The following OPCML variants were observed in gnomAD, a reference collection of about 807,000 sequenced individuals.
OPCML encodes opioid-binding protein/cell adhesion molecule.
In OPCML, 13 loss-of-function variants were observed where a neutral mutation model predicts 37.8. The ratio of observed to expected loss-of-function variants is 0.34; its 90% confidence interval spans 0.22 to 0.55. The LOEUF is 0.55. Among genes scored for constraint, OPCML ranks in the 20% least tolerant of loss-of-function variants. The pLI is 0.91. For missense variants in OPCML, 341 were observed against 435.6 expected, an observed-to-expected ratio of 0.78 and a Z score of 1.93; for synonymous variants, 176 against 168.8, an observed-to-expected ratio of 1.04 and a Z score of -0.33.
chr11:133,450,458 C>T (rs935637642), intron 1 of OPCML, among the ~76,000 whole-genome samples: 4 of 151,476 alleles, frequency 2.6e-5, no homozygotes, highest in African/African-American at 4.9e-5. Context: ...CTGTAATCAA[C>T]CTTTCTAATT....
rs151040013 is a variant in OPCML, at chr11:133,182,238, G to A, written c.62-239228C>T. Among the ~76,000 whole-genome samples, 885 of 152,266 alleles carry A rather than the reference G, an allele frequency of 5.8e-3. 5 individuals are homozygous for A. The highest frequency in any genetic ancestry group is 0.021 in the African/African-American group (852 of 41,550). On this transcript the variant is annotated intron_variant, in intron 1 of 7. Coordinates refer to ENST00000524381, the MANE Select transcript of OPCML (RefSeq NM_001012393.5). ...CAAGATGTTAACCTTCTGAGAGATG[G>A]CTAATCTCTTGTAGCTGAAATTCAT...
chr11:133,092,325 T>C (rs1180899597), intron 1 of OPCML, among the ~76,000 whole-genome samples: 1 of 152,140 alleles, frequency 6.6e-6, no homozygotes, highest in East Asian at 1.9e-4. Flanking sequence ...CCAAGGCAAC[T>C]GATGAAAAGA....
intron 2 of OPCML, among the ~76,000 whole-genome samples, chr11:132,725,096 T>G (rs933833693): frequency 2.0e-5 from 3 of 152,154 alleles, no homozygotes; most frequent in Non-Finnish European, 2.9e-5. Context: ...AGTGCCCCAG[T>G]AGGGACTCTG....
At position 132,729,641 on chromosome 11, in the gene OPCML, A is replaced by G. The variant is rs191106663; in HGVS notation, c.147-72322T>C. 3.3e-3 allele frequency among the ~76,000 whole-genome samples: 503 copies of G among 152,342 alleles called. 3 individuals are homozygous for G. The highest frequency in any genetic ancestry group is 6.8e-3 in the Admixed American group (104 of 15,300). On this transcript the variant is annotated intron_variant, in intron 2 of 7. Transcript: ENST00000524381. ...TTGCAGCAATTGCATCTACTCAGTC[A>G]AAAGGGTTCCAGAATGAGAAAAGGC... is the stretch of plus-strand genomic sequence containing the variant.
chr11:133,214,328 A>G (rs566707844), intron 1 of OPCML, among the ~76,000 whole-genome samples: 1 of 152,264 alleles, frequency 6.6e-6, no homozygotes, highest in South Asian at 2.1e-4. Flanking sequence ...AAATTTGTAC[A>G]CTTTATGTGG....
chr11:133,105,565 G>A (rs1164631387), intron 1 of OPCML, among the ~76,000 whole-genome samples: 1 of 152,346 alleles, frequency 6.6e-6, no homozygotes, highest in Non-Finnish European at 1.5e-5. Context: ...ATGGCAAGAT[G>A]TGAAGATACA....
At position 133,521,942 on chromosome 11, in the gene OPCML, T is replaced by C. The variant is rs142922808; in HGVS notation, c.61+10322A>G. On this transcript the variant is annotated intron_variant, in intron 1 of 7. Transcript: ENST00000524381. Reference sequence around the variant, plus strand: ...TTCGGCCTGCTACCATCTGACCATATCTGGCATGGTTTTGAGTCTGAACTC... The same window carrying C: ...TTCGGCCTGCTACCATCTGACCATACCTGGCATGGTTTTGAGTCTGAACTC... Among the ~76,000 whole-genome samples, 41 of 152,306 alleles carry C rather than the reference T, an allele frequency of 2.7e-4. No individual in the cohort carries two copies. In the East Asian group the frequency reaches 7.0e-3, roughly 26 times the overall value.
intron 1 of OPCML, among the ~76,000 whole-genome samples, chr11:132,946,710 C>A (rs886170269): frequency 6.6e-6 from 1 of 152,138 alleles, no homozygotes; most frequent in African/African-American, 2.4e-5. Context: ...CATAAGCTCC[C>A]GAGGTACAAG....
At chr11:132,855,229 AC>A (rs1221447571) in intron 2 of OPCML, among the ~76,000 whole-genome samples, 1 of 152,104 alleles carries the variant, frequency 6.6e-6, no homozygotes, top group Admixed American at 6.5e-5. Flanking sequence ...GACTGACTAC[AC>A]CCAGTGTTTT....
chr11:133,200,794 G>C (rs536085086), intron 1 of OPCML, among the ~76,000 whole-genome samples: 18 of 152,192 alleles, frequency 1.2e-4, no homozygotes, highest in African/African-American at 4.3e-4. Flanking sequence ...ATAGCCAAAG[G>C]AATATAAATT....
At position 133,489,549 on chromosome 11, in the gene OPCML, T is replaced by A. The variant is rs1947607532; in HGVS notation, c.61+42715A>T. ...AGATGCTATCTTACACCAGTCAGAA[T>A]GACTATTATTAAAAAGTCAAAAAAC... On this transcript the variant is annotated intron_variant, in intron 1 of 7. Transcript: ENST00000524381. 2.6e-5 allele frequency among the ~76,000 whole-genome samples: 4 copies of A among 152,194 alleles called. No individual in the cohort carries two copies. In the South Asian group the frequency reaches 8.3e-4, roughly 31 times the overall value.
intron 1 of OPCML, among the ~76,000 whole-genome samples, chr11:133,126,018 GTATA>G (rs1434095223): frequency 1.3e-5 from 2 of 149,214 alleles, no homozygotes; most frequent in African/African-American, 5.0e-5. Flanking sequence ...ACACATATGT[GTATA>G]TATACACTAT....
intron 1 of OPCML, among the ~76,000 whole-genome samples, chr11:133,195,375 G>A (rs1938497058): frequency 6.6e-6 from 1 of 152,180 alleles, no homozygotes; most frequent in African/African-American, 2.4e-5. Context: ...CAGCACCCGT[G>A]AGAAAAGATG....
chr11:133,435,171 T>A (rs1393280510), intron 1 of OPCML, among the ~76,000 whole-genome samples: 1 of 152,174 alleles, frequency 6.6e-6, no homozygotes, highest in Non-Finnish European at 1.5e-5. Context: ...TATATTTTAT[T>A]GCATTTTATG....
intron 1 of OPCML, among the ~76,000 whole-genome samples, chr11:132,951,963 T>C (rs1296950546): frequency 6.6e-6 from 1 of 152,262 alleles, no homozygotes; most frequent in Non-Finnish European, 1.5e-5. Flanking sequence ...AATATCTGCA[T>C]TTATCTAATA....
intron 1 of OPCML, among the ~76,000 whole-genome samples, chr11:133,351,160 A>G (rs1411353119): frequency 6.6e-6 from 1 of 152,226 alleles, no homozygotes; most frequent in Non-Finnish European, 1.5e-5. Flanking sequence ...GGAACAGCAA[A>G]TGGCCTTTCA....
At chr11:133,217,983 C>T (rs1939655808) in intron 1 of OPCML, among the ~76,000 whole-genome samples, 1 of 151,542 alleles carries the variant, frequency 6.6e-6, no homozygotes, top group Non-Finnish European at 1.5e-5. Context: ...GAAGTGGAGG[C>T]TGCAATGAGC....
chr11:133,155,715 T>C (rs1415873944), intron 1 of OPCML, among the ~76,000 whole-genome samples: 1 of 152,196 alleles, frequency 6.6e-6, no homozygotes, highest in Non-Finnish European at 1.5e-5. Flanking sequence ...AACTGCCTAC[T>C]TGACATCTCC....
intron 1 of OPCML, among the ~76,000 whole-genome samples, chr11:133,249,323 G>A (rs1422143635): frequency 2.0e-5 from 3 of 152,010 alleles, no homozygotes; most frequent in African/African-American, 4.8e-5. Flanking sequence ...GGAGGTGCCA[G>A]GCTCTTTTGA....
Sources: allele counts gnomAD v4.1 joint callset (sites outside exome capture counted in the v4.1 genomes callset), GRCh38; gene constraint gnomAD v4.1.1; transcripts MANE v1.5; gene names NCBI Gene and HGNC (gene_info 2026-07-23, HGNC 2026-07-21).